Variants in LONP1 observed in about 807,000 individuals in gnomAD.
The protein encoded by LONP1 is lon protease homolog, mitochondrial.
In LONP1, 31 loss-of-function variants were observed where a neutral mutation model predicts 98.5. The observed-to-expected ratio is 0.31, with a 90% CI of 0.24 to 0.42. The LOEUF (loss-of-function observed/expected upper bound fraction) is 0.42, where lower values mean the gene tolerates loss of function less well. LONP1 is among the 20% of genes least tolerant of loss of function. The probability of loss-of-function intolerance (pLI) is 1.00; values close to 1 mark genes in which losing one functional copy is unlikely to be tolerated. For synonymous variants in LONP1, 781 were observed against 594.7 expected, an observed-to-expected ratio of 1.31 and a Z score of -4.56; for missense variants, 1,336 against 1,350.6, an observed-to-expected ratio of 0.99 and a Z score of 0.17.
At chr19:5,697,793 G>T (rs1001549723) in intron 10 of LONP1, among the ~76,000 whole-genome samples, 3 of 151,892 alleles carry the variant, frequency 2.0e-5, no homozygotes, top group African/African-American at 7.3e-5. Context: ...GTCAGCAGAC[G>T]CCTGCCCTCC....
At chr19:5,710,233 A>C (rs1156752560) in intron 4 of LONP1, among the ~76,000 whole-genome samples, 2 of 151,516 alleles carry the variant, frequency 1.3e-5, no homozygotes, top group Non-Finnish European at 2.9e-5. Flanking sequence ...TACAGGCATA[A>C]GCCACCACAC....
At chr19:5,711,688 C>T (rs1056566200) in intron 4 of LONP1, 83 bp downstream of exon 4, 1 of 1,165,014 alleles carries the variant, frequency 8.6e-7, no homozygotes. Flanking sequence ...TGGGAGATGA[C>T]TCTTCGGAGA....
At chr19:5,703,073 C>T (rs1412097178) in intron 8 of LONP1, among the ~76,000 whole-genome samples, 7 of 149,876 alleles carry the variant, frequency 4.7e-5, no homozygotes, top group East Asian at 2.0e-4. Context: ...TCCAGCTACT[C>T]GGGAGGCTGA....
Position 5,696,081 on chromosome 19 carries a change from C to G in LONP1, c.1986G>C (p.Val662=), listed in dbSNP as rs2054922010. 2 of 1,612,840 alleles carry G rather than the reference C, an allele frequency of 1.2e-6. No homozygotes were observed. The highest frequency in any genetic ancestry group is 2.7e-5 in the African/African-American group (2 of 74,916). ...CCGCAATGGCCAGCTTCTCCTGGGCCACGTAGCCCGACACGTTGATCATCT... is the reference window on the plus strand; with the variant it reads ...CCGCAATGGCCAGCTTCTCCTGGGCGACGTAGCCCGACACGTTGATCATCT... ...RMEMINVSGY[V]AQEKLAIAER... The change falls in exon 13 of 18, where the codon GTG becomes GTC. Residue 662 remains valine (V), a synonymous_variant. Coordinates refer to ENST00000360614, the MANE Select transcript of LONP1 (RefSeq NM_004793.4).
At chr19:5,717,891 C>CTTTTTTTTTT (rs532198283) in intron 1 of LONP1, among the ~76,000 whole-genome samples, 2 of 133,266 alleles carry the variant, frequency 1.5e-5, no homozygotes, top group Non-Finnish European at 3.2e-5. Flanking sequence ...TTCTTTCTTT[C>CTTTTTTTTTT]TTTTTTTTTT....
At chr19:5,707,007 G>T in intron 7 of LONP1, 53 bp downstream of exon 7, 1 of 1,460,242 alleles carries the variant, frequency 6.8e-7, no homozygotes. Context: ...CTGATGTCAC[G>T]TGGCCCGAGG....
At chr19:5,696,495 A>G (rs1435161710) in intron 11 of LONP1, 124 bp from the exon 12 acceptor site, 3 of 1,397,880 alleles carry the variant, frequency 2.1e-6, no homozygotes, top group African/African-American at 1.4e-5. Flanking sequence ...CCTGCCTTGG[A>G]CGGGCAGCCT....
At chr19:5,696,500 C>A (rs961489042) in intron 11 of LONP1, 129 bp from the exon 12 acceptor site, 2 of 1,382,530 alleles carry the variant, frequency 1.4e-6, no homozygotes, top group Admixed American at 2.1e-5. Flanking sequence ...CTTGGACGGG[C>A]AGCCTGCTGG....
At chr19:5,706,638 G>A (rs529126614) in intron 7 of LONP1, among the ~76,000 whole-genome samples, 4 of 152,252 alleles carry the variant, frequency 2.6e-5, no homozygotes, top group African/African-American at 9.6e-5. Flanking sequence ...TGCTACGACC[G>A]TGAGGTGACC....
At chr19:5,716,942 C>T (rs557770586) in intron 1 of LONP1, among the ~76,000 whole-genome samples, 281 of 152,144 alleles carry the variant, frequency 1.8e-3, no homozygotes, top group Non-Finnish European at 3.2e-3. Context: ...TACGGGCGCC[C>T]ACCACCACTC....
At chr19:5,708,468 G>GGGGGGA in intron 4 of LONP1, 65 bp from the exon 5 acceptor site, 4 of 551,262 alleles carry the variant, frequency 7.3e-6, no homozygotes, top group East Asian at 4.8e-5. Flanking sequence ...GGCTGGGTGG[G>GGGGGGA]AGCATGGCCC....
In LONP1 at chr19:5,692,032, TC is replaced by T; in HGVS notation, c.2879del (p.Ter960TyrfsTer56). The T allele has an allele frequency of 1.5e-6, 2 of 1,325,306 alleles. No homozygotes were observed. Among genetic ancestry groups the T allele is most frequent in the Non-Finnish European group, 2.1e-6 (2 of 958,412 alleles). The allele number at this position is 1,325,306 out of a possible 1,614,324, so 82.1% of individuals were successfully genotyped here. ...EQAEALAVER[*>X] The stretch of plus-strand genomic sequence containing the variant: ...GCCGCCTGCAGTCCCGGGGTGGCCG[TC>T]ACCGTTCCACGGCCAGCGCCTCTGC... On this transcript the variant is annotated frameshift_variant and stop_lost, in exon 18 of 18. Coordinates refer to ENST00000360614, the MANE Select transcript of LONP1 (RefSeq NM_004793.4). LOFTEE classifies it high-confidence loss of function.
Position 5,694,474 on chromosome 19 carries a change from A to T in LONP1, c.2233T>A (p.Phe745Ile). ...VEVTPENLQD[F>I]VGKPVFTVER... The stretch of plus-strand genomic sequence containing the variant: ...ACGGTGAACACGGGCTTCCCCACGA[A>T]GTCCTGCAGGTTCTCGGGCGTCACC... The change falls in exon 15 of 18, where the codon TTC (phenylalanine) becomes ATC (isoleucine). Residue 745 changes from phenylalanine (F) to isoleucine (I), a missense_variant. Physicochemically the swap from Phe to Ile is conservative, Grantham distance 21 (BLOSUM62 0). Around this residue, in one of 5 missense-constraint regions of LONP1, gnomAD observed 555 missense variants for 542.6 expected, o/e 1.02. Coordinates refer to ENST00000360614, the MANE Select transcript of LONP1 (RefSeq NM_004793.4). The T allele has an allele frequency of 1.2e-6, 2 of 1,613,350 alleles. No individual in the cohort carries two copies. Among genetic ancestry groups the T allele is most frequent in the Non-Finnish European group, 1.7e-6 (2 of 1,179,990 alleles).
chr19:5,706,827 C>G (rs1238367456), intron 7 of LONP1, among the ~76,000 whole-genome samples: 1 of 152,208 alleles, frequency 6.6e-6, no homozygotes, highest in East Asian at 1.9e-4. Flanking sequence ...ACTGCTCCAC[C>G]CTGGGCTCAT....
At chr19:5,697,122 G>A (rs775122259) in intron 10 of LONP1, among the ~76,000 whole-genome samples, 3 of 152,176 alleles carry the variant, frequency 2.0e-5, no homozygotes, top group Non-Finnish European at 4.4e-5. Flanking sequence ...TACTAGCCAT[G>A]GCCAGCACTG....
intron 4 of LONP1, among the ~76,000 whole-genome samples, chr19:5,709,692 G>A (rs1306310705): frequency 2.0e-5 from 3 of 151,844 alleles, no homozygotes; most frequent in Admixed American, 2.0e-4. Flanking sequence ...GGCGGATCAC[G>A]AGGTCAGGAG....
In LONP1 at chr19:5,693,555, G is replaced by A. The variant is rs756486128; in HGVS notation, c.2535C>T (p.Pro845=). The A allele has an allele frequency of 2.1e-5, 34 of 1,613,896 alleles. No individual in the cohort carries two copies. Among genetic ancestry groups the A allele is most frequent in the Middle Eastern group, 1.6e-4 (1 of 6,084 alleles). ...LVTSHIHLHV[P]EGATPKDGPS... The stretch of plus-strand genomic sequence containing the variant: ...TGGGAGCGGATGGCGCGGTCACCTC[G>A]GGCACATGCAGGTGGATGTGTGAGG... Residue 845 remains proline (P), a synonymous_variant, in exon 16 of 18, where the codon CCC becomes CCT. Coordinates refer to ENST00000360614, the MANE Select transcript of LONP1 (RefSeq NM_004793.4).
Position 5,693,326 on chromosome 19 carries a change from ACAGG to A in LONP1, c.2671_2674del (p.Pro891LeufsTer16). 1 of 1,612,816 alleles carries A rather than the reference ACAGG, an allele frequency of 6.2e-7. No homozygotes were observed. Among genetic ancestry groups the A allele is most frequent in the Non-Finnish European group, 8.5e-7 (1 of 1,179,354 alleles). On this transcript the variant is annotated frameshift_variant, in exon 17 of 18. Coordinates refer to ENST00000360614, the MANE Select transcript of LONP1 (RefSeq NM_004793.4). LOFTEE classifies it high-confidence loss of function. ...AATGGTCTTCTCCTTGATGCCACCA[ACAGG>A]CAGGATCTTGCCCGTGAGGGAGACT...
intron 1 of LONP1, among the ~76,000 whole-genome samples, chr19:5,716,281 T>TATATAC (rs2055320953): frequency 1.8e-5 from 2 of 110,298 alleles, no homozygotes; most frequent in Non-Finnish European, 4.0e-5. Context: ...TATATATATA[T>TATATAC]ATATATATAT....
Sources: gnomAD v4.1 joint callset for allele counts (sites outside exome capture counted in the v4.1 genomes callset) on GRCh38, gnomAD v4.1.1 for gene constraint, gnomAD v4.1.1 regional missense constraint, MANE v1.5 for transcripts, NCBI Gene and HGNC (gene_info 2026-07-23, HGNC 2026-07-21) for gene names.